FEM1B: variants seen among roughly 807,000 people sequenced by gnomAD.
FEM1B encodes the protein protein fem-1 homolog B.
Under a neutral mutation model 38.6 loss-of-function variants are expected in FEM1B, and 10 were observed. The observed-to-expected ratio is 0.26, with a 90% CI of 0.16 to 0.44. The LOEUF (loss-of-function observed/expected upper bound fraction) is 0.44, where lower values mean the gene tolerates loss of function less well. Among genes scored for constraint, FEM1B ranks in the 20% least tolerant of loss-of-function variants. The probability of loss-of-function intolerance (pLI) is 1.00; values close to 1 mark genes in which losing one functional copy is unlikely to be tolerated. For missense variants in FEM1B, 471 were observed against 786.7 expected, an observed-to-expected ratio of 0.60 and a Z score of 4.80; for synonymous variants, 288 against 288.0, an observed-to-expected ratio of 1.00 and a Z score of 0.00.
In FEM1B at chr15:68,287,830, CTT is replaced by C. The variant is rs71455589; in HGVS notation, c.249-1756_249-1755del. On this transcript the variant is annotated intron_variant, in intron 1 of 1. Coordinates refer to ENST00000306917, the MANE Select transcript of FEM1B (RefSeq NM_015322.5). ...AGCCAGCGGAACGTTGCTAACGTCT[CTT>C]TTTTTTTTTTTTTTTTTTTTGAGAT... is the stretch of plus-strand genomic sequence containing the variant. Among the ~76,000 whole-genome samples, 965 of 114,624 alleles carry C rather than the reference CTT, an allele frequency of 8.4e-3. 6 individuals carry two copies. Among genetic ancestry groups the C allele is most frequent in the African/African-American group, 0.023 (730 of 31,066 alleles). The allele number at this position is 114,624 out of a possible 152,430, so 75.2% of individuals were successfully genotyped here. A position where few individuals can be genotyped will look rare whatever the true frequency, so the allele number is the denominator to read the frequency against.
In FEM1B at chr15:68,295,551, G is replaced by A. The variant is rs1025362492; in HGVS notation, c.*4309G>A. The A allele has an allele frequency of 5.3e-5, 8 of 152,136 alleles. No homozygotes were observed. The highest frequency in any genetic ancestry group is 1.3e-4 in the Admixed American group (2 of 15,280). 9.4% of individuals were successfully genotyped at this position (152,136 alleles called of 1,614,324 possible). ...TTTTCACCCCATCCTGCAATCCTCC[G>A]TGCAGAGGAACTACACTGTTGTATT... On this transcript the variant is annotated 3_prime_UTR_variant, in exon 2 of 2. Coordinates refer to ENST00000306917, the MANE Select transcript of FEM1B (RefSeq NM_015322.5).
Position 68,278,284 on chromosome 15 carries a change from CGCG to C in FEM1B, c.-124_-122del. On this transcript the variant is annotated 5_prime_UTR_variant, in exon 1 of 2. Transcript: ENST00000306917. The surrounding 1 kb of genome is among the most constrained non-coding windows in gnomAD (Gnocchi z 5.7). ...TCCCTGGGCCGCACTGCTGCCTGGG[CGCG>C]GCGGCGGCGACGGCGCCCTGTTGAA... 19 of 1,199,034 alleles carry C rather than the reference CGCG, an allele frequency of 1.6e-5. No homozygotes were observed. The highest frequency in any genetic ancestry group is 3.2e-5 in the South Asian group (2 of 62,984). 74.3% of individuals were successfully genotyped at this position (1,199,034 alleles called of 1,614,324 possible).
rs1418643115 is a variant in FEM1B at position 68,280,216 on chromosome 15, A to G, written c.248+1551A>G. On this transcript the variant is annotated intron_variant, in intron 1 of 1. Coordinates refer to ENST00000306917, the MANE Select transcript of FEM1B (RefSeq NM_015322.5). The surrounding 1 kb of genome is among the most constrained non-coding windows in gnomAD (Gnocchi z 4.2). ...GAGGTGGCAATTAAAAGAACCTGAA[A>G]TGACTAGAAATGTAGCATTGAGCCT... 1 of 152,232 alleles carries G rather than the reference A, an allele frequency of 6.6e-6. No homozygotes were observed. The highest frequency in any genetic ancestry group is 1.5e-5 in the Non-Finnish European group (1 of 68,046). The allele number at this position is 152,232 out of a possible 1,614,324, so 9.4% of individuals were successfully genotyped here.
chr15:68,278,027 C>G lies in FEM1B; in HGVS notation c.-391C>G, dbSNP rs984135964. 4 of 206,402 alleles carry G rather than the reference C, an allele frequency of 1.9e-5. No individual in the cohort carries two copies. In the Admixed American group the frequency reaches 2.5e-4, roughly 13 times the overall value. 12.8% of individuals were successfully genotyped at this position (206,402 alleles called of 1,614,324 possible). ...CCCATCTTTCGCCATCCGGGGTGCG[C>G]GAGGTCCTCTCGGGACCCGGCCGGC... On this transcript the variant is annotated 5_prime_UTR_variant, in exon 1 of 2. Coordinates refer to ENST00000306917, the MANE Select transcript of FEM1B (RefSeq NM_015322.5). This position sits in a 1 kb window ranked among gnomAD's most constrained non-coding sequence, Gnocchi z 5.7.
At position 68,280,619 on chromosome 15, in the gene FEM1B, G is replaced by A. The variant is rs948826128; in HGVS notation, c.248+1954G>A. Among the ~76,000 whole-genome samples, 1 of 152,188 alleles carries A rather than the reference G, an allele frequency of 6.6e-6. No individual in the cohort carries two copies. The highest frequency in any genetic ancestry group is 6.5e-5 in the Admixed American group (1 of 15,282). The stretch of plus-strand genomic sequence containing the variant: ...TGAAGAAGAGGGGCAGCAGCTTGGT[G>A]CCCTTGCAGTGACTAGTGTTTCAGT... On this transcript the variant is annotated intron_variant, in intron 1 of 1. Coordinates refer to ENST00000306917, the MANE Select transcript of FEM1B (RefSeq NM_015322.5). This position sits in a 1 kb window ranked among gnomAD's most constrained non-coding sequence, Gnocchi z 4.2.
Position 68,284,139 on chromosome 15 carries a change from C to T in FEM1B, c.249-5468C>T, listed in dbSNP as rs1221731833. ...ACCTCAGGTGATCCACCCACCTTGG[C>T]CTCCCAAAGTGTTGGGATTACAGAC... On this transcript the variant is annotated intron_variant, in intron 1 of 1. Transcript: ENST00000306917. The surrounding 1 kb of genome is among the most constrained non-coding windows in gnomAD (Gnocchi z 4.4). 6.6e-6 allele frequency among the ~76,000 whole-genome samples: 1 copy of T among 152,156 alleles called. No homozygotes were observed. The highest frequency in any genetic ancestry group is 1.5e-5 in the Non-Finnish European group (1 of 68,036).
In FEM1B at chr15:68,285,895, A is replaced by G. The variant is rs116622280; in HGVS notation, c.249-3712A>G. Among the ~76,000 whole-genome samples the G allele has an allele frequency of 8.5e-3, 1,287 of 151,122 alleles. 10 individuals carry two copies. Among genetic ancestry groups the G allele is most frequent in the African/African-American group, 0.024 (1,005 of 41,150 alleles). ...GAAGTTCTGGTTTTAATGAAATCCA[A>G]TAAATACTTTCTTTTTCTTTAACGG... is the stretch of plus-strand genomic sequence containing the variant. On this transcript the variant is annotated intron_variant, in intron 1 of 1. Coordinates refer to ENST00000306917, the MANE Select transcript of FEM1B (RefSeq NM_015322.5).
In FEM1B at chr15:68,294,407, G is replaced by C. The variant is rs1892881049; in HGVS notation, c.*3165G>C. 1 of 152,138 alleles carries C rather than the reference G, an allele frequency of 6.6e-6. No individual in the cohort carries two copies. The highest frequency in any genetic ancestry group is 1.5e-5 in the Non-Finnish European group (1 of 68,026). 9.4% of individuals were successfully genotyped at this position (152,138 alleles called of 1,614,324 possible). A position where few individuals can be genotyped will look rare whatever the true frequency, so the allele number is the denominator to read the frequency against. ...TTGGTAATTGTGAGAACTTAGGTATGATAACATTGTTTGAAGTAAAATATG... is the reference window on the plus strand; with the variant it reads ...TTGGTAATTGTGAGAACTTAGGTATCATAACATTGTTTGAAGTAAAATATG... On this transcript the variant is annotated 3_prime_UTR_variant, in exon 2 of 2. Transcript: ENST00000306917. This position sits in a 1 kb window ranked among gnomAD's most constrained non-coding sequence, Gnocchi z 4.4.
At chr15:68,286,921 CTT>C (rs1491354317) in intron 1 of FEM1B, among the ~76,000 whole-genome samples, 2 of 152,136 alleles carry the variant, frequency 1.3e-5, no homozygotes, top group Non-Finnish European at 2.9e-5. Flanking sequence ...GAGTTTTGCT[CTT>C]GTCACCCAGG....
At position 68,277,935 on chromosome 15, in the gene FEM1B, G is replaced by C. The variant is rs1273116950; in HGVS notation, c.-483G>C. The C allele has an allele frequency of 1.3e-5, 2 of 153,860 alleles. No homozygotes were observed. Among genetic ancestry groups the C allele is most frequent in the Non-Finnish European group, 2.9e-5 (2 of 69,160 alleles). The allele number at this position is 153,860 out of a possible 1,614,324, so 9.5% of individuals were successfully genotyped here. On this transcript the variant is annotated 5_prime_UTR_variant, in exon 1 of 2. Transcript: ENST00000306917. ...GTTTCCTCCAGTCAGGGACGGCGAA[G>C]GGCGGAAAGCGCAGGAGGAGGCAGT...
chr15:68,281,908 G>A lies in FEM1B; in HGVS notation c.248+3243G>A, dbSNP rs536032790. On this transcript the variant is annotated intron_variant, in intron 1 of 1. Coordinates refer to ENST00000306917, the MANE Select transcript of FEM1B (RefSeq NM_015322.5). This position sits in a 1 kb window ranked among gnomAD's most constrained non-coding sequence, Gnocchi z 5.1. The stretch of plus-strand genomic sequence containing the variant: ...GGATTACAGGCTTGAGCCACTGTGC[G>A]CGGCCTCTTGTTCACATTTTTAGGA... Among the ~76,000 whole-genome samples, 24 of 152,252 alleles carry A rather than the reference G, an allele frequency of 1.6e-4. No individual in the cohort carries two copies. The South Asian group carries it at 3.7e-3, about 24-fold the overall frequency.
rs1229190856 is a variant in FEM1B, at chr15:68,278,249, G to A, written c.-169G>A. The A allele has an allele frequency of 3.9e-5, 35 of 901,306 alleles. No homozygotes were observed. In the East Asian group the frequency reaches 9.4e-4, roughly 24 times the overall value. The allele number at this position is 901,306 out of a possible 1,614,324, so 55.8% of individuals were successfully genotyped here. On this transcript the variant is annotated 5_prime_UTR_variant, in exon 1 of 2. Transcript: ENST00000306917. This position sits in a 1 kb window ranked among gnomAD's most constrained non-coding sequence, Gnocchi z 5.7. ...CTTCGCGGCACTCGGCCTCCTCTGC[G>A]TCTCCGCCTTCCCTGGGCCGCACTG...
At position 68,278,219 on chromosome 15, in the gene FEM1B, G is replaced by A; in HGVS notation, c.-199G>A. The A allele has an allele frequency of 1.5e-6, 1 of 681,356 alleles. No homozygotes were observed. The highest frequency in any genetic ancestry group is 2.3e-6 in the Non-Finnish European group (1 of 429,400). The allele number at this position is 681,356 out of a possible 1,614,324, so 42.2% of individuals were successfully genotyped here. A position where few individuals can be genotyped will look rare whatever the true frequency, so the allele number is the denominator to read the frequency against. On this transcript the variant is annotated 5_prime_UTR_variant, in exon 1 of 2. It adds an upstream start codon to the 5' untranslated region. Coordinates refer to ENST00000306917, the MANE Select transcript of FEM1B (RefSeq NM_015322.5). The surrounding 1 kb of genome is among the most constrained non-coding windows in gnomAD (Gnocchi z 5.7). Reference sequence around the variant, plus strand: ...TCCCTGCGCGGGCTGGGTCGCGGACGTGCCCTTCGCGGCACTCGGCCTCCT... The same window carrying A: ...TCCCTGCGCGGGCTGGGTCGCGGACATGCCCTTCGCGGCACTCGGCCTCCT...
rs34021140 is a variant in FEM1B at position 68,291,044 on chromosome 15, C to T, written c.1686C>T (p.Ala562=). ...CCATCATCATTAGCCTAGTTGAAGC[C>T]GGAGCTCACACTGACATGACGAATA... ...LHSIIISLVE[A]GAHTDMTNKQ... is the part of the protein sequence containing the mutation. The change falls in exon 2 of 2, where the codon GCC becomes GCT. Residue 562 remains alanine, a synonymous_variant. Transcript: ENST00000306917. The surrounding 1 kb of genome is among the most constrained non-coding windows in gnomAD (Gnocchi z 6.9). 17,608 of 1,613,892 alleles carry T rather than the reference C, an allele frequency of 0.011. 1,218 individuals carry two copies. In the African/African-American group the frequency reaches 0.18, roughly 16 times the overall value.
Position 68,281,419 on chromosome 15 carries a change from A to G in FEM1B, c.248+2754A>G, listed in dbSNP as rs67342571. Among the ~76,000 whole-genome samples the G allele has an allele frequency of 0.33, 50,720 of 152,094 alleles. 9,106 individuals carry two copies. Among genetic ancestry groups the G allele is most frequent in the African/African-American group, 0.42 (17,386 of 41,452 alleles). ...ATGTTTTACTTCTTAGCTTCATCCC[A>G]TGTAATTATGGGTTTGCTGTGTGTT... On this transcript the variant is annotated intron_variant, in intron 1 of 1. Transcript: ENST00000306917. The surrounding 1 kb of genome is among the most constrained non-coding windows in gnomAD (Gnocchi z 5.1).
At position 68,289,579 on chromosome 15, in the gene FEM1B, T is replaced by C. The variant is rs1892825097; in HGVS notation, c.249-28T>C. 1.9e-6 allele frequency: 3 copies of C among 1,585,658 alleles called. No homozygotes were observed. The highest frequency in any genetic ancestry group is 2.6e-6 in the Non-Finnish European group (3 of 1,156,478). ...ATATGTTAGGCTGTGGCCTCTGTTATCTAACTGCTTATTCTTTTCATGTGT... is the reference window on the plus strand; with the variant it reads ...ATATGTTAGGCTGTGGCCTCTGTTACCTAACTGCTTATTCTTTTCATGTGT... On this transcript the variant is annotated intron_variant, in intron 1 of 1. Transcript: ENST00000306917. This position sits in a 1 kb window ranked among gnomAD's most constrained non-coding sequence, Gnocchi z 6.9.
chr15:68,285,998 CT>C (rs1039831298), intron 1 of FEM1B, among the ~76,000 whole-genome samples: 2 of 147,748 alleles, frequency 1.4e-5, no homozygotes, highest in Non-Finnish European at 3.0e-5. Flanking sequence ...TAGTCTATGG[CT>C]TTTTTTTTAT....
At position 68,284,665 on chromosome 15, in the gene FEM1B, C is replaced by G. The variant is rs138848316; in HGVS notation, c.249-4942C>G. Among the ~76,000 whole-genome samples, 10 of 152,276 alleles carry G rather than the reference C, an allele frequency of 6.6e-5. No homozygotes were observed. The East Asian group carries it at 1.9e-3, about 29-fold the overall frequency. On this transcript the variant is annotated intron_variant, in intron 1 of 1. Coordinates refer to ENST00000306917, the MANE Select transcript of FEM1B (RefSeq NM_015322.5). The surrounding 1 kb of genome is among the most constrained non-coding windows in gnomAD (Gnocchi z 4.4). ...CACTCTAAAAGTTTCCCTTGTGCCC[C>G]TTCTCAGTTTCCTCCCTTTCCTTGC...
chr15:68,290,315 A>C lies in FEM1B; in HGVS notation c.957A>C (p.Gln319His). The change falls in exon 2 of 2, where the codon CAA (glutamine) becomes CAC (histidine). Residue 319 changes from glutamine (Q) to histidine (H), a missense_variant. By Grantham distance (24) the Gln-to-His change is conservative. Coordinates refer to ENST00000306917, the MANE Select transcript of FEM1B (RefSeq NM_015322.5). This position sits in a 1 kb window ranked among gnomAD's most constrained non-coding sequence, Gnocchi z 9.7. ...CTCAGGAACTGGAGTCCATTCGGCA[A>C]GACAGAGATGCTCTTCATATGGAAG... ...RNPQELESIR[Q>H]DRDALHMEGL... 6.2e-7 allele frequency: 1 copy of C among 1,614,188 alleles called. No individual in the cohort carries two copies. The highest frequency in any genetic ancestry group is 2.2e-5 in the East Asian group (1 of 44,888).
Sources: allele counts gnomAD v4.1 joint callset (sites outside exome capture counted in the v4.1 genomes callset), GRCh38; gene constraint gnomAD v4.1.1; non-coding constraint Gnocchi (gnomAD v3.1); transcripts MANE v1.5; gene names NCBI Gene and HGNC (gene_info 2026-07-23, HGNC 2026-07-21).